Variants in IKBKB observed in about 807,000 individuals in gnomAD.
IKBKB encodes inhibitor of nuclear factor kappa-B kinase subunit beta.
IKBKB carries 42 observed loss-of-function variants against 113.6 expected under a neutral mutation model. The observed-to-expected ratio is 0.37, with a 90% CI of 0.29 to 0.48. IKBKB has a LOEUF of 0.48. Among genes scored for constraint, IKBKB ranks in the 20% least tolerant of loss-of-function variants. IKBKB has a pLI of 0.99. For synonymous variants in IKBKB, 296 were observed against 361.3 expected (o/e 0.82, Z 2.05); for missense variants, 673 against 939.7 (o/e 0.72, Z 3.71).
chr8:42,331,462 C>T lies in IKBKB; in HGVS notation c.*483C>T. On this transcript the variant is annotated 3_prime_UTR_variant, in exon 22 of 22. Transcript: ENST00000520810. ...TGTCCTCTCCTGCTCTCCAAAGGCC[C>T]TGCTCCCTGTCCTCTCTCACTTTAC... is the stretch of plus-strand genomic sequence containing the variant. 1 of 699,632 alleles carries T rather than the reference C, an allele frequency of 1.4e-6. No homozygotes were observed. Among genetic ancestry groups the T allele is most frequent in the Non-Finnish European group, 2.6e-6 (1 of 383,416 alleles). The allele number at this position is 699,632 out of a possible 1,614,324, so 43.3% of individuals were successfully genotyped here.
At chr8:42,290,574 G>A (rs1812414388) in intron 4 of IKBKB, among the ~76,000 whole-genome samples, 2 of 152,286 alleles carry the variant, frequency 1.3e-5, no homozygotes, top group East Asian at 1.9e-4. Flanking sequence ...GGAAGGACTG[G>A]GCAAGTTCCA....
At chr8:42,290,796 AC>A (rs1236064161) in intron 4 of IKBKB, among the ~76,000 whole-genome samples, 1 of 152,114 alleles carries the variant, frequency 6.6e-6, no homozygotes, top group African/African-American at 2.4e-5. Context: ...CACCTGACCC[AC>A]CTGGACTCAT....
chr8:42,290,432 G>A (rs550771222), intron 4 of IKBKB, among the ~76,000 whole-genome samples, 159 bp downstream of exon 4: 64 of 151,984 alleles, frequency 4.2e-4, no homozygotes, highest in Admixed American at 1.3e-3. Context: ...TCTGTTCCCT[G>A]CCCACCTGGG....
chr8:42,280,568 A>G (rs1481838602), intron 2 of IKBKB, among the ~76,000 whole-genome samples: 1 of 152,014 alleles, frequency 6.6e-6, no homozygotes, highest in Non-Finnish European at 1.5e-5. Flanking sequence ...CACTTTTTGC[A>G]TGGATTATGG....
intron 5 of IKBKB, among the ~76,000 whole-genome samples, chr8:42,297,122 C>T (rs1220691721): frequency 2.0e-5 from 3 of 152,212 alleles, no homozygotes; most frequent in African/African-American, 4.8e-5. Context: ...CTGTTCACAT[C>T]TCCGCCACCT....
chr8:42,310,946 T>C (rs1250263650), intron 8 of IKBKB, among the ~76,000 whole-genome samples: 1 of 152,250 alleles, frequency 6.6e-6, no homozygotes, highest in Non-Finnish European at 1.5e-5. Flanking sequence ...AGGACGTTGA[T>C]AATTTTTACT....
chr8:42,295,301 T>C (rs765987829), intron 5 of IKBKB, among the ~76,000 whole-genome samples: 37 of 152,058 alleles, frequency 2.4e-4, no homozygotes, highest in Non-Finnish European at 4.9e-4. Flanking sequence ...GTATTTTTAG[T>C]AGAGACAGGG....
intron 9 of IKBKB, among the ~76,000 whole-genome samples, 184 bp downstream of exon 9, chr8:42,314,613 A>G (rs1052810611): frequency 1.1e-4 from 17 of 152,044 alleles, no homozygotes; most frequent in Non-Finnish European, 1.8e-4. Flanking sequence ...CGTCTCTACT[A>G]AAAATGCAAA....
intron 20 of IKBKB, among the ~76,000 whole-genome samples, chr8:42,328,125 T>G (rs1283114397): frequency 1.4e-5 from 2 of 142,652 alleles, no homozygotes; most frequent in East Asian, 2.1e-4. Flanking sequence ...TGTATTTTTA[T>G]TAGAGACAGG....
intron 4 of IKBKB, among the ~76,000 whole-genome samples, chr8:42,290,914 G>T (rs1195935286): frequency 1.3e-5 from 2 of 152,188 alleles, no homozygotes; most frequent in Admixed American, 6.5e-5. Context: ...GGGCAGTTGG[G>T]TGCCCTCCTC....
rs199990375 is a variant in IKBKB, at chr8:42,331,114, G to A, written c.*135G>A. On this transcript the variant is annotated 3_prime_UTR_variant, in exon 22 of 22. Coordinates refer to ENST00000520810, the MANE Select transcript of IKBKB (RefSeq NM_001556.3). ...GGCTGCCTGGCCGCGGCTCTCACATGGTGGTTCCTGCTGCACTGATGGCCC... is the reference window on the plus strand; with the variant it reads ...GGCTGCCTGGCCGCGGCTCTCACATAGTGGTTCCTGCTGCACTGATGGCCC... 5 of 1,342,724 alleles carry A rather than the reference G, an allele frequency of 3.7e-6. No homozygotes were observed. The South Asian group carries it at 4.9e-5, about 13-fold the overall frequency. The allele number at this position is 1,342,724 out of a possible 1,614,324, so 83.2% of individuals were successfully genotyped here.
intron 21 of IKBKB, chr8:42,330,047 A>G: frequency 1.0e-6 from 1 of 985,386 alleles, no homozygotes; most frequent in Non-Finnish European, 1.2e-6. Flanking sequence ...TAATGTTTTG[A>G]TCAGTTCATT....
chr8:42,281,838 C>G (rs1034237793), intron 2 of IKBKB, among the ~76,000 whole-genome samples: 1 of 152,158 alleles, frequency 6.6e-6, no homozygotes, highest in Admixed American at 6.5e-5. Flanking sequence ...GATAACGGGA[C>G]ACTGGGCTTT....
In IKBKB at chr8:42,318,694, T is replaced by G. The variant is rs543816057; in HGVS notation, c.1364+19T>G. On this transcript the variant is annotated intron_variant, in intron 13 of 21. Transcript: ENST00000520810. ...CCGCCATGTAGCGTGCCAGGCTTTTTTTTTAAACTTAATTTATTTAAAATT... is the reference window on the plus strand; with the variant it reads ...CCGCCATGTAGCGTGCCAGGCTTTTGTTTTAAACTTAATTTATTTAAAATT... 5.1e-6 allele frequency: 8 copies of G among 1,576,062 alleles called. No individual in the cohort carries two copies. In the East Asian group the frequency reaches 1.8e-4, roughly 36 times the overall value.
At chr8:42,320,354 C>A (rs1015076013) in intron 15 of IKBKB, 7 of 189,252 alleles carry the variant, frequency 3.7e-5, no homozygotes, top group Non-Finnish European at 7.7e-5. Flanking sequence ...GGCCTCCCTG[C>A]CCGGGTAGCA....
intron 18 of IKBKB, 37 bp downstream of exon 18, chr8:42,322,190 T>A (rs752946542): frequency 6.3e-7 from 1 of 1,576,564 alleles, no homozygotes; most frequent in Non-Finnish European, 8.7e-7. Context: ...GAGGAAGGAC[T>A]GGGAGATGCA....
chr8:42,291,331 G>A (rs1273714680), intron 4 of IKBKB, among the ~76,000 whole-genome samples: 2 of 151,998 alleles, frequency 1.3e-5, no homozygotes, highest in Non-Finnish European at 2.9e-5. Context: ...ATAGGCGCCC[G>A]CCCCCACGCC....
At chr8:42,288,211 A>G (rs545980966) in intron 2 of IKBKB, among the ~76,000 whole-genome samples, 2 of 152,074 alleles carry the variant, frequency 1.3e-5, no homozygotes, top group Admixed American at 1.3e-4. Flanking sequence ...ACATGGTGAA[A>G]CCCCGTCTCT....
At chr8:42,329,275 G>A (rs1821364715) in intron 21 of IKBKB, 61 bp downstream of exon 21, 6 of 1,509,062 alleles carry the variant, frequency 4.0e-6, no homozygotes, top group Non-Finnish European at 5.3e-6. Context: ...CAAAATAGAA[G>A]AGAAAATGGA....
Sources: allele counts gnomAD v4.1 joint callset (sites outside exome capture counted in the v4.1 genomes callset), GRCh38; gene constraint gnomAD v4.1.1; transcripts MANE v1.5; gene names NCBI Gene and HGNC (gene_info 2026-07-23, HGNC 2026-07-21).